Variants in DOK7 observed in about 807,000 individuals in gnomAD.
The protein encoded by DOK7 is docking protein 7, also known as protein Dok-7.
DOK7 carries 32 observed loss-of-function variants against 30.7 expected under a neutral mutation model. The ratio of observed to expected loss-of-function variants is 1.04; its 90% CI spans 0.79 to 1.40. The LOEUF (loss-of-function observed/expected upper bound fraction) is 1.40, where lower values mean the gene tolerates loss of function less well. Ranked by LOEUF, DOK7 falls within the 40% of genes most tolerant of loss-of-function variation. The pLI is 0.00. For missense variants in DOK7, 1,007 were observed against 699.2 expected (o/e 1.44, Z -4.97); for synonymous variants, 447 against 324.1 (o/e 1.38, Z -4.07).
intron 4 of DOK7, among the ~76,000 whole-genome samples, chr4:3,481,987 C>G (rs903478785): frequency 6.6e-6 from 1 of 152,088 alleles, no homozygotes; most frequent in Non-Finnish European, 1.5e-5. Flanking sequence ...CCCTGAGCCC[C>G]GCAGCTCCTG....
At chr4:3,495,839 G>A (rs1375490462), downstream of DOK7, among the ~76,000 whole-genome samples, 1 of 152,166 alleles carries the variant, frequency 6.6e-6, no homozygotes, top group Non-Finnish European at 1.5e-5. Context: ...GCCTGTGTAT[G>A]TGATGAGCTC....
At chr4:3,490,249 T>TCCCTGCTCATTCATTCCTTCCTTCCCCA (rs1728178252) in intron 6 of DOK7, among the ~76,000 whole-genome samples, 52 of 90,458 alleles carry the variant, frequency 5.7e-4, no homozygotes, top group African/African-American at 2.0e-3. Flanking sequence ...CTTCCTTTTC[T>TCCCTGCTCATTCATTCCTTCCTTCCCCA]CCCTGCTCAT....
intron 4 of DOK7, chr4:3,484,464 A>C: frequency 1.0e-6 from 1 of 982,768 alleles, no homozygotes; most frequent in Non-Finnish European, 1.2e-6. Flanking sequence ...GGCAATGGGC[A>C]GAGGCCCCGG....
In DOK7 at chr4:3,473,620, C is replaced by A; in HGVS notation, c.315C>A (p.Arg105=). 6.3e-7 allele frequency: 1 copy of A among 1,582,766 alleles called. No homozygotes were observed. Among genetic ancestry groups the A allele is most frequent in the South Asian group, 1.1e-5 (1 of 89,092 alleles). The change falls in exon 3 of 7, where the codon CGC becomes CGA. Residue 105 remains arginine (R), a synonymous_variant. Coordinates refer to ENST00000340083, the MANE Select transcript of DOK7 (RefSeq NM_173660.5). ...TGTGTGCGTGGGATGCCCGGATCCG[C>A]TATGCGCTCGGCGAGGGTGAGTGAC... is the stretch of plus-strand genomic sequence containing the variant. ...EAMCAWDARI[R]YALGEVHRFH... is the part of the protein sequence containing the mutation.
In DOK7 at chr4:3,468,305, T is replaced by C. The variant is rs892195765; in HGVS notation, c.100+4754T>C. ...GGGAGTGTGTGTGCACGTGTGCACA[T>C]GCGTGTGAATACCTGTGTGTGCGAG... On this transcript the variant is annotated intron_variant, in intron 2 of 6. Transcript: ENST00000340083. 6.3e-4 allele frequency among the ~76,000 whole-genome samples: 93 copies of C among 148,622 alleles called. 1 individual carries two copies. The highest frequency in any genetic ancestry group is 2.2e-3 in the African/African-American group (86 of 39,510).
chr4:3,490,383 C>CCTGCTCATTCAGTCCTTCATTACCCT (rs1728210280), intron 6 of DOK7, among the ~76,000 whole-genome samples: 1 of 27,842 alleles, frequency 3.6e-5, no homozygotes, highest in South Asian at 1.7e-3. Flanking sequence ...TCCCCCCACC[C>CCTGCTCATTCAGTCCTTCATTACCCT]CCTGCTCATT....
intron 4 of DOK7, among the ~76,000 whole-genome samples, chr4:3,482,580 C>T (rs1353005168): frequency 6.6e-6 from 1 of 152,264 alleles, no homozygotes; most frequent in Non-Finnish European, 1.5e-5. Flanking sequence ...GTGGACCAGC[C>T]TCTGGAGAAG....
intron 4 of DOK7, chr4:3,484,767 T>C: frequency 1.0e-6 from 1 of 985,502 alleles, no homozygotes; most frequent in Non-Finnish European, 1.2e-6. Flanking sequence ...CAGCTCCAGC[T>C]TCCCCTGAAA....
chr4:3,490,569 TTC>T (rs1339913794), intron 6 of DOK7, among the ~76,000 whole-genome samples: 138 of 55,374 alleles, frequency 2.5e-3, no homozygotes, highest in African/African-American at 9.3e-3. Flanking sequence ...CATTCGTTTT[TTC>T]CTTCTCTCTC....
At chr4:3,499,416 G>A (rs1729083978), downstream of DOK7, among the ~76,000 whole-genome samples, 1 of 152,200 alleles carries the variant, frequency 6.6e-6, no homozygotes, top group Non-Finnish European at 1.5e-5. Flanking sequence ...TGACAAGAAT[G>A]GGAGGAGGCA....
At chr4:3,500,451 C>A (rs1377038822) in intron 7 of DOK7, 4 of 1,529,066 alleles carry the variant, frequency 2.6e-6, no homozygotes, top group Non-Finnish European at 3.5e-6. Flanking sequence ...GGGCTGGGAC[C>A]ACAGCCTCAG....
rs747896627 is a variant in DOK7 at position 3,493,318 on chromosome 4, T to C, written c.1332T>C (p.Ser444=). 1 of 1,604,354 alleles carries C rather than the reference T, an allele frequency of 6.2e-7. No individual in the cohort carries two copies. The highest frequency in any genetic ancestry group is 1.1e-5 in the South Asian group (1 of 90,162). ...SGGQTSAGCP[S]GWLGTRRRGL... The stretch of plus-strand genomic sequence containing the variant: ...GCCAGACGTCCGCCGGGTGTCCCTC[T>C]GGCTGGCTGGGCACGAGACGGCGGG... Residue 444 remains serine (S), a synonymous_variant, in exon 7 of 7, where the codon TCT becomes TCC. Coordinates refer to ENST00000340083, the MANE Select transcript of DOK7 (RefSeq NM_173660.5).
At chr4:3,472,855 GCCCATCGACCTCCCCTA>G (rs1344059344) in intron 2 of DOK7, among the ~76,000 whole-genome samples, 1 of 149,082 alleles carries the variant, frequency 6.7e-6, no homozygotes, top group African/African-American at 2.5e-5. Flanking sequence ...GGGACCCAAG[GCCCATCGACCTCCCCTA>G]CCCCCTGGGG....
Position 3,493,495 on chromosome 4 carries a change from T to G in DOK7, c.1509T>G (p.Pro503=). 4 of 1,611,068 alleles carry G rather than the reference T, an allele frequency of 2.5e-6. No homozygotes were observed. The highest frequency in any genetic ancestry group is 2.5e-6 in the Non-Finnish European group (3 of 1,179,286). ...GTGGAGGACTCAAGGTAAACCCCCC[T>G]CCTTGAGAGCCGCAGATCCCGCCCC... ...PVCGGLKVNP[P]P is the part of the protein sequence containing the mutation. Residue 503 remains proline, a synonymous_variant, in exon 7 of 7, where the codon CCT becomes CCG. Coordinates refer to ENST00000340083, the MANE Select transcript of DOK7 (RefSeq NM_173660.5).
Position 3,493,592 on chromosome 4 carries a change from C to T in DOK7, c.*91C>T, listed in dbSNP as rs1328023983. 8 of 1,544,254 alleles carry T rather than the reference C, an allele frequency of 5.2e-6. No homozygotes were observed. The South Asian group carries it at 7.2e-5, about 14-fold the overall frequency. On this transcript the variant is annotated 3_prime_UTR_variant, in exon 7 of 7. Coordinates refer to ENST00000340083, the MANE Select transcript of DOK7 (RefSeq NM_173660.5). Reference sequence around the variant, plus strand: ...GCGCCAGCCTCCTTGCAGACTGGTGCTCTGTGTTCTGTGGGAGGGACCGGG... The same window carrying T: ...GCGCCAGCCTCCTTGCAGACTGGTGTTCTGTGTTCTGTGGGAGGGACCGGG...
Position 3,463,336 on chromosome 4 carries a change from G to C in DOK7, c.-40G>C. The C allele has an allele frequency of 1.4e-6, 2 of 1,435,848 alleles. No individual in the cohort carries two copies. Among genetic ancestry groups the C allele is most frequent in the Non-Finnish European group, 1.8e-6 (2 of 1,106,288 alleles). 88.9% of individuals were successfully genotyped at this position (1,435,848 alleles called of 1,614,324 possible). A position where few individuals can be genotyped will look rare whatever the true frequency, so the allele number is the denominator to read the frequency against. On this transcript the variant is annotated 5_prime_UTR_variant, in exon 1 of 7. Transcript: ENST00000340083. The stretch of plus-strand genomic sequence containing the variant: ...ATTTTGAAAGTGACCCTGGGCTGGG[G>C]CGCCGGGGCGAGCGCGGCGGCGCGG...
chr4:3,468,135 T>C (rs1449918366), intron 2 of DOK7, among the ~76,000 whole-genome samples: 3 of 152,134 alleles, frequency 2.0e-5, no homozygotes, highest in South Asian at 2.1e-4. Context: ...AATACCTGTG[T>C]GTGCAGGTGT....
rs377454797 is a variant in DOK7, at chr4:3,493,488, A to T, written c.1502A>T (p.Asn501Ile). 2.5e-6 allele frequency: 4 copies of T among 1,610,424 alleles called. No individual in the cohort carries two copies. Among genetic ancestry groups the T allele is most frequent in the African/African-American group, 2.7e-5 (2 of 74,762 alleles). ...CCAGTCTGTGGAGGACTCAAGGTAA[A>T]CCCCCCTCCTTGAGAGCCGCAGATC... ...ACPVCGGLKV[N>I]PPP The change falls in exon 7 of 7, where the codon AAC (asparagine) becomes ATC (isoleucine). Residue 501 changes from asparagine (N) to isoleucine (I), a missense_variant. Transcript: ENST00000340083.
chr4:3,479,797 G>A (rs57587560), intron 4 of DOK7, among the ~76,000 whole-genome samples: 40,673 of 152,166 alleles, frequency 0.27, 5,637 homozygotes, highest in South Asian at 0.39. Context: ...TGTTCAGAAT[G>A]GGACAGGAGG....
Sources: allele counts gnomAD v4.1 joint callset (sites outside exome capture counted in the v4.1 genomes callset), GRCh38; gene constraint gnomAD v4.1.1; transcripts MANE v1.5; gene names NCBI Gene and HGNC (gene_info 2026-07-23, HGNC 2026-07-21).